Variants in NCKAP5 observed in about 807,000 individuals in gnomAD.
NCKAP5 encodes the protein NCK associated protein 5.
NCKAP5 carries 92 observed loss-of-function variants against 167.0 expected under a neutral mutation model. That is an observed-to-expected ratio of 0.55 (90% CI 0.47 to 0.66). The LOEUF (loss-of-function observed/expected upper bound fraction) is 0.66, where lower values mean the gene tolerates loss of function less well. Ranked by LOEUF, NCKAP5 falls within the 30% of genes least tolerant of loss-of-function variation. The probability of loss-of-function intolerance (pLI) is 0.00; values close to 1 mark genes in which losing one functional copy is unlikely to be tolerated. For synonymous variants in NCKAP5, 891 were observed against 877.4 expected, an observed-to-expected ratio of 1.02 and a Z score of -0.27; for missense variants, 2,378 against 2,315.0, an observed-to-expected ratio of 1.03 and a Z score of -0.56.
At chr2:133,260,159 A>G (rs1272357808) in intron 4 of NCKAP5, among the ~76,000 whole-genome samples, 1 of 152,222 alleles carries the variant, frequency 6.6e-6, no homozygotes, top group Non-Finnish European at 1.5e-5. Context: ...TCTTTCAAGA[A>G]CCAGTGACTT....
the NCKAP5 span, among the ~76,000 whole-genome samples, chr2:133,632,250 G>C: frequency 6.6e-6 from 1 of 152,148 alleles, no homozygotes; most frequent in South Asian, 2.1e-4. Flanking sequence ...TGAGCATTCT[G>C]GCAACTACAT....
intron 6 of NCKAP5, among the ~76,000 whole-genome samples, chr2:133,087,573 C>T (rs1263217995): frequency 1.3e-5 from 2 of 152,158 alleles, no homozygotes; most frequent in Non-Finnish European, 2.9e-5. Flanking sequence ...ACAAACATTT[C>T]GCTTGGCTAT....
chr2:133,156,695 T>C (rs548375250), intron 5 of NCKAP5, among the ~76,000 whole-genome samples: 1 of 152,306 alleles, frequency 6.6e-6, no homozygotes, highest in Admixed American at 6.5e-5. Flanking sequence ...GTGACCGGGA[T>C]AATTGGGTAT....
chr2:132,913,255 T>C (rs1313211206), intron 8 of NCKAP5, among the ~76,000 whole-genome samples: 1 of 152,070 alleles, frequency 6.6e-6, no homozygotes, highest in Non-Finnish European at 1.5e-5. Context: ...CACATCTAGC[T>C]TGCAAATAAG....
chr2:133,659,085 G>A, the NCKAP5 span, among the ~76,000 whole-genome samples: 1 of 151,738 alleles, frequency 6.6e-6, no homozygotes, highest in Middle Eastern at 3.4e-3. Flanking sequence ...TGTTAATTTT[G>A]GTATTAAAAA....
the NCKAP5 span, among the ~76,000 whole-genome samples, chr2:133,638,772 T>C: frequency 6.6e-6 from 1 of 151,304 alleles, no homozygotes; most frequent in Non-Finnish European, 1.5e-5. Context: ...GGCAGGAGAA[T>C]TGCTTGAACC....
chr2:132,723,561 T>G (rs1269560993), intron 19 of NCKAP5, among the ~76,000 whole-genome samples: 1 of 152,144 alleles, frequency 6.6e-6, no homozygotes, highest in Non-Finnish European at 1.5e-5. Context: ...TTAATTAAAA[T>G]TTCAAATAAA....
chr2:133,371,220 C>T (rs1398913597), intron 3 of NCKAP5, among the ~76,000 whole-genome samples: 1 of 152,156 alleles, frequency 6.6e-6, no homozygotes, highest in Non-Finnish European at 1.5e-5. Context: ...AATAAACCAT[C>T]AGTCATGGGT....
At chr2:132,984,593 TAAG>T (rs2149278153) in intron 7 of NCKAP5, among the ~76,000 whole-genome samples, 1 of 152,260 alleles carries the variant, frequency 6.6e-6, no homozygotes, top group Non-Finnish European at 1.5e-5. Flanking sequence ...ACAAAATCAA[TAAG>T]GACAATATAG....
At chr2:133,442,802 T>C (rs955502344) in intron 3 of NCKAP5, among the ~76,000 whole-genome samples, 1 of 152,208 alleles carries the variant, frequency 6.6e-6, no homozygotes, top group African/African-American at 2.4e-5. Context: ...CCAGACAGCC[T>C]CATGTCAGGC....
intron 3 of NCKAP5, among the ~76,000 whole-genome samples, chr2:133,321,299 G>A (rs1001465105): frequency 6.6e-6 from 1 of 152,148 alleles, no homozygotes; most frequent in Non-Finnish European, 1.5e-5. Context: ...ACTTTACCTA[G>A]GTTAGGCTCA....
intron 3 of NCKAP5, among the ~76,000 whole-genome samples, chr2:133,331,550 A>G (rs1682856851): frequency 6.6e-6 from 1 of 152,178 alleles, no homozygotes; most frequent in Non-Finnish European, 1.5e-5. Context: ...CATGGTGGCA[A>G]ATGAGTCACC....
At chr2:133,468,050 T>C (rs1272431353) in intron 3 of NCKAP5, among the ~76,000 whole-genome samples, 1 of 108,850 alleles carries the variant, frequency 9.2e-6, no homozygotes, top group Non-Finnish European at 1.8e-5. Flanking sequence ...TGTCTTCTGA[T>C]AGCTTTTGAA....
At chr2:132,788,813 C>A (rs1683810628) in intron 13 of NCKAP5, among the ~76,000 whole-genome samples, 1 of 152,028 alleles carries the variant, frequency 6.6e-6, no homozygotes, top group Non-Finnish European at 1.5e-5. Context: ...TCATATGATA[C>A]AAGTTTATTA....
At chr2:132,708,885 C>T (rs1688597172) in intron 19 of NCKAP5, among the ~76,000 whole-genome samples, 1 of 152,054 alleles carries the variant, frequency 6.6e-6, no homozygotes, top group African/African-American at 2.4e-5. Flanking sequence ...TTAATTTTCT[C>T]TAGGGTGTCC....
At chr2:133,561,215 G>A (rs1688132219) in intron 1 of NCKAP5, among the ~76,000 whole-genome samples, 1 of 152,214 alleles carries the variant, frequency 6.6e-6, no homozygotes, top group African/African-American at 2.4e-5. Context: ...CAATTGGCCT[G>A]TATGTGAAAT....
chr2:133,156,487 G>C (rs776047949), intron 5 of NCKAP5, among the ~76,000 whole-genome samples: 12 of 152,154 alleles, frequency 7.9e-5, no homozygotes, highest in Non-Finnish European at 1.3e-4. Context: ...ATTAAAATGT[G>C]TATGAAATCT....
At chr2:133,639,466 C>T in the NCKAP5 span, among the ~76,000 whole-genome samples, 1 of 152,228 alleles carries the variant, frequency 6.6e-6, no homozygotes, top group South Asian at 2.1e-4. Flanking sequence ...GGTATTGTCC[C>T]AGCAGAAGAG....
chr2:132,862,784 A>G (rs1690026305), intron 10 of NCKAP5, among the ~76,000 whole-genome samples: 1 of 151,896 alleles, frequency 6.6e-6, no homozygotes, highest in Non-Finnish European at 1.5e-5. Context: ...AAAAACCAAA[A>G]AAAAACAAAG....
Sources: allele counts gnomAD v4.1 joint callset (sites outside exome capture counted in the v4.1 genomes callset), GRCh38; gene constraint gnomAD v4.1.1; transcripts MANE v1.5; gene names NCBI Gene and HGNC (gene_info 2026-07-23, HGNC 2026-07-21).